The following TNRC6C variants were observed in gnomAD, a reference collection of about 807,000 sequenced individuals.
The protein encoded by TNRC6C is trinucleotide repeat-containing gene 6C protein.
In TNRC6C, 20 loss-of-function variants were observed where a neutral mutation model predicts 153.7. That is an observed-to-expected ratio of 0.13 (90% confidence interval 0.09 to 0.19). The LOEUF (loss-of-function observed/expected upper bound fraction) is 0.19. Among genes scored for constraint, TNRC6C ranks in the 10% least tolerant of loss-of-function variants. The probability of loss-of-function intolerance (pLI) is 1.00; values close to 1 mark genes in which losing one functional copy is unlikely to be tolerated. For missense variants in TNRC6C, 1,987 were observed against 2,172.0 expected (o/e 0.91, Z 1.69); for synonymous variants, 811 against 841.4 (o/e 0.96, Z 0.63).
chr17:78,047,567 T>C (rs975842863), intron 2 of TNRC6C, among the ~76,000 whole-genome samples: 1 of 152,222 alleles, frequency 6.6e-6, no homozygotes, highest in Non-Finnish European at 1.5e-5. Flanking sequence ...ACTTCCTTTT[T>C]TTCCTTTAGC....
rs971858003 is a variant in TNRC6C, at chr17:77,974,080, A to G, written c.-38+14812A>G. ...GGGAGGGGGGAGAGAGAGAGAGAGA[A>G]AGAAAGAAAAAGAATGGAGGTAAAA... On this transcript the variant is annotated intron_variant, in intron 1 of 22. Coordinates refer to the TNRC6C transcript ENST00000636222. 3.3e-5 allele frequency among the ~76,000 whole-genome samples: 5 copies of G among 151,364 alleles called. No homozygotes were observed. The South Asian group carries it at 8.4e-4, about 25-fold the overall frequency.
intron 1 of TNRC6C, among the ~76,000 whole-genome samples, chr17:78,023,903 A>G (rs144998553): frequency 0.01 from 1,523 of 152,228 alleles, 74 homozygotes; most frequent in Admixed American, 0.089. Flanking sequence ...TATGGTCAGA[A>G]GTTCAAGACC....
At chr17:78,083,856 A>C (rs1174328084) in intron 11 of TNRC6C, among the ~76,000 whole-genome samples, 1 of 152,188 alleles carries the variant, frequency 6.6e-6, no homozygotes, top group Non-Finnish European at 1.5e-5. Flanking sequence ...TTTTACTATA[A>C]TTGCCATGTC....
intron 4 of TNRC6C, 82 bp downstream of exon 6, chr17:78,065,019 G>A (rs561138050): frequency 8.4e-6 from 12 of 1,428,596 alleles, no homozygotes; most frequent in South Asian, 7.7e-5. Context: ...AGAGTTTTAG[G>A]ATACTTTCCT....
intron 1 of TNRC6C, among the ~76,000 whole-genome samples, chr17:77,967,493 G>T (rs2070906916): frequency 6.6e-6 from 1 of 152,110 alleles, no homozygotes. Context: ...TAGTAAGCCT[G>T]GTACGTGGGG....
chr17:78,055,125 T>C (rs901964935), intron 3 of TNRC6C, among the ~76,000 whole-genome samples: 2 of 152,238 alleles, frequency 1.3e-5, no homozygotes, highest in Non-Finnish European at 2.9e-5. Context: ...TATTAAAAGA[T>C]TAAAAGATAC....
rs11306576 is a variant in TNRC6C, at chr17:78,039,309, G to GCCCCCCCCC, written c.-219+7471_-219+7479dup. Among the ~76,000 whole-genome samples the GCCCCCCCCC allele has an allele frequency of 4.1e-4, 47 of 113,458 alleles. 1 individual carries two copies. The highest frequency in any genetic ancestry group is 1.6e-3 in the African/African-American group (46 of 27,972). 74.4% of individuals were successfully genotyped at this position (113,458 alleles called of 152,430 possible). A position where few individuals can be genotyped will look rare whatever the true frequency, so the allele number is the denominator to read the frequency against. On this transcript the variant is annotated intron_variant, in intron 2 of 19. Coordinates refer to ENST00000301624, the Ensembl canonical transcript of TNRC6C. ...CCACAGAACAGCAATTTCAAATCTT[G>GCCCCCCCCC]CCCCCCCCCCCCACTCCCTACCTCT... is the stretch of plus-strand genomic sequence containing the variant.
At chr17:77,991,944 C>T (rs920524848) in intron 1 of TNRC6C, among the ~76,000 whole-genome samples, 5 of 152,172 alleles carry the variant, frequency 3.3e-5, no homozygotes, top group African/African-American at 7.2e-5. Flanking sequence ...TGTGTCTGTA[C>T]GCAGAGGTCC....
At position 78,104,828 on chromosome 17, in the gene TNRC6C, A is replaced by G. The variant is rs1320194142; in HGVS notation, c.5056A>G (p.Ser1686Gly). The stretch of plus-strand genomic sequence containing the variant: ...CACCCTGCTGCCTGGGGACCTGCTC[A>G]GCGGGGAGTCCCTGTAGGCTCTGCC... The change falls in exon 20 of 20, where the codon AGC (serine) becomes GGC (glycine). Residue 1686 changes from serine (S) to glycine (G), a missense_variant. By Grantham distance (56) the Ser-to-Gly change is moderately conservative. Coordinates refer to ENST00000301624, the Ensembl canonical transcript of TNRC6C. The surrounding 1 kb of genome is among the most constrained non-coding windows in gnomAD (Gnocchi z 6.2). 4.9e-6 allele frequency: 7 copies of G among 1,437,304 alleles called. 1 individual carries two copies. The South Asian group carries it at 7.4e-5, about 15-fold the overall frequency. The allele number at this position is 1,437,304 out of a possible 1,614,324, so 89.0% of individuals were successfully genotyped here. A position where few individuals can be genotyped will look rare whatever the true frequency, so the allele number is the denominator to read the frequency against.
intron 1 of TNRC6C, among the ~76,000 whole-genome samples, chr17:77,983,343 C>A (rs769277074): frequency 3.9e-5 from 6 of 152,104 alleles, no homozygotes; most frequent in Non-Finnish European, 7.3e-5. Context: ...ACTGAACCAA[C>A]AGGTAGGAAA....
At chr17:78,003,681 T>A (rs896781777), upstream of TNRC6C, among the ~76,000 whole-genome samples, 17 of 152,262 alleles carry the variant, frequency 1.1e-4, no homozygotes, top group African/African-American at 3.9e-4. Flanking sequence ...AGGTATGAGC[T>A]GAAAGCATCA....
chr17:78,067,900 G>A (rs978647209), exon 5 of TNRC6C: 4 of 1,608,500 alleles, frequency 2.5e-6, no homozygotes, highest in Middle Eastern at 1.7e-4. Flanking sequence ...CTGGGGGAAC[G>A]CCCCCAAAAA....
At chr17:78,039,678 C>T (rs545906721) in intron 2 of TNRC6C, among the ~76,000 whole-genome samples, 20 of 152,282 alleles carry the variant, frequency 1.3e-4, no homozygotes, top group Admixed American at 3.9e-4. Flanking sequence ...TGCCATCCCT[C>T]GTGGGAAACA....
At chr17:78,006,820 A>G (rs1430751599) in intron 1 of TNRC6C, among the ~76,000 whole-genome samples, 1 of 145,930 alleles carries the variant, frequency 6.9e-6, no homozygotes, top group Admixed American at 6.8e-5. Context: ...TTATTTATTT[A>G]TTTATTTATT....
chr17:78,098,645 A>C, intron 17 of TNRC6C, 108 bp downstream of exon 20: 1 of 1,327,548 alleles, frequency 7.5e-7, no homozygotes, highest in Non-Finnish European at 1.0e-6. Context: ...GTAACTCTGG[A>C]GCCTGGGAGG....
intron 2 of TNRC6C, among the ~76,000 whole-genome samples, chr17:78,045,980 A>T (rs1363097200): frequency 6.6e-6 from 1 of 151,920 alleles, no homozygotes; most frequent in Admixed American, 6.6e-5. Context: ...CCACCCCCAG[A>T]GGGAACCACA....
chr17:78,057,609 G>A (rs1025860809), intron 3 of TNRC6C, among the ~76,000 whole-genome samples: 1 of 152,214 alleles, frequency 6.6e-6, no homozygotes, highest in Non-Finnish European at 1.5e-5. Context: ...TAGCTACTGG[G>A]ATTCCCAGAC....
chr17:77,972,473 C>T (rs891582079), intron 1 of TNRC6C, among the ~76,000 whole-genome samples: 3 of 150,620 alleles, frequency 2.0e-5, no homozygotes, highest in African/African-American at 7.3e-5. Context: ...GATGGCGCCA[C>T]TGCACTCCAG....
intron 1 of TNRC6C, among the ~76,000 whole-genome samples, chr17:77,979,760 A>G (rs2071047936): frequency 1.3e-5 from 2 of 152,176 alleles, no homozygotes; most frequent in Admixed American, 1.3e-4. Flanking sequence ...CCAAAAAACA[A>G]AAATAAAGGG....
Sources: allele counts gnomAD v4.1 joint callset (sites outside exome capture counted in the v4.1 genomes callset), GRCh38; gene constraint gnomAD v4.1.1; non-coding constraint Gnocchi (gnomAD v3.1); transcripts MANE v1.5; gene names NCBI Gene and HGNC (gene_info 2026-07-23, HGNC 2026-07-21).